TLN2: variants seen among roughly 807,000 people sequenced by gnomAD.
TLN2 encodes talin 2, also known as talin-2.
Under a neutral mutation model 294.7 loss-of-function variants are expected in TLN2, and 118 were observed. The ratio of observed to expected loss-of-function variants is 0.40; its 90% CI spans 0.34 to 0.47. TLN2 has a LOEUF of 0.47. Ranked by LOEUF, TLN2 falls within the 20% of genes least tolerant of loss-of-function variation. The pLI is 0.84. For synonymous variants in TLN2, 1,431 were observed against 1,304.5 expected (o/e 1.10, Z -2.09); for missense variants, 3,083 against 3,282.2 (o/e 0.94, Z 1.48).
In TLN2 at chr15:62,537,337, C is replaced by T. The variant is rs546249554; in HGVS notation, c.-237-52350C>T. On this transcript the variant is annotated intron_variant, in intron 1 of 58. Coordinates refer to ENST00000636159, the MANE Select transcript of TLN2 (RefSeq NM_015059.3). Reference sequence around the variant, plus strand: ...GCCTGTCATTGTAGTTTTTAAAAGGCGTTTTCTAAACAGGTGGTGTTCAAG... The same window carrying T: ...GCCTGTCATTGTAGTTTTTAAAAGGTGTTTTCTAAACAGGTGGTGTTCAAG... 5.7e-4 allele frequency among the ~76,000 whole-genome samples: 87 copies of T among 152,130 alleles called. 1 individual carries two copies. Among genetic ancestry groups the T allele is most frequent in the Middle Eastern group, 3.4e-3 (1 of 294 alleles).
At chr15:62,563,349 G>A (rs1418815214) in intron 1 of TLN2, among the ~76,000 whole-genome samples, 1 of 152,184 alleles carries the variant, frequency 6.6e-6, no homozygotes, top group African/African-American at 2.4e-5. Flanking sequence ...GATCATTAGT[G>A]ACGTTGAGCA....
chr15:62,708,900 G>T, intron 21 of TLN2, 104 bp downstream of exon 21: 3 of 1,364,772 alleles, frequency 2.2e-6, no homozygotes, highest in East Asian at 5.0e-5. Flanking sequence ...ACTGGCAAGG[G>T]CAAGTTCTCT....
chr15:62,788,994 C>G (rs1200951060), intron 45 of TLN2, among the ~76,000 whole-genome samples: 1 of 152,180 alleles, frequency 6.6e-6, no homozygotes, highest in Non-Finnish European at 1.5e-5. Context: ...GGATGAAGGT[C>G]CCTAGTCCTT....
At chr15:62,746,858 T>C (rs1434744655) in intron 32 of TLN2, among the ~76,000 whole-genome samples, 1 of 152,232 alleles carries the variant, frequency 6.6e-6, no homozygotes, top group African/African-American at 2.4e-5. Flanking sequence ...AAGTCTTATT[T>C]CTGCTGCTTA....
chr15:62,398,558 G>T (rs2140231718), intron 1 of TLN2, among the ~76,000 whole-genome samples: 1 of 152,234 alleles, frequency 6.6e-6, no homozygotes, highest in Non-Finnish European at 1.5e-5. Flanking sequence ...GAGACTTGTT[G>T]AATGGTTTTG....
At chr15:62,775,518 T>C (rs1010292258) in intron 42 of TLN2, among the ~76,000 whole-genome samples, 12 of 152,226 alleles carry the variant, frequency 7.9e-5, no homozygotes, top group Non-Finnish European at 1.6e-4. Flanking sequence ...CCATCCATGA[T>C]CAACATATTT....
At position 62,524,959 on chromosome 15, in the gene TLN2, C is replaced by G. The variant is rs144143792; in HGVS notation, c.-237-64728C>G. 1.6e-3 allele frequency among the ~76,000 whole-genome samples: 242 copies of G among 152,306 alleles called. 1 individual carries two copies. The highest frequency in any genetic ancestry group is 5.6e-3 in the African/African-American group (233 of 41,550). Reference sequence around the variant, plus strand: ...AGGTCCATAAAGTTAGAATGATTTACCTTGAGTCATAGTTAGCTAAATAGG... The same window carrying G: ...AGGTCCATAAAGTTAGAATGATTTAGCTTGAGTCATAGTTAGCTAAATAGG... On this transcript the variant is annotated intron_variant, in intron 1 of 58. Transcript: ENST00000636159.
chr15:62,657,051 C>T (rs1386363534), intron 8 of TLN2, among the ~76,000 whole-genome samples: 1 of 150,550 alleles, frequency 6.6e-6, no homozygotes, highest in Non-Finnish European at 1.5e-5. Context: ...GATAGCAGGG[C>T]AGTGAAAAGA....
intron 45 of TLN2, among the ~76,000 whole-genome samples, chr15:62,786,271 G>A (rs1298621327): frequency 6.6e-6 from 1 of 152,182 alleles, no homozygotes; most frequent in Non-Finnish European, 1.5e-5. Flanking sequence ...GGGAAATAAG[G>A]AGCTGCTCCC....
At chr15:62,805,519 C>G in intron 50 of TLN2, 81 bp from the exon 51 acceptor site, 2 of 1,413,982 alleles carry the variant, frequency 1.4e-6, no homozygotes, top group South Asian at 3.1e-5. Context: ...CAGACACAAG[C>G]TACAGCCTGG....
intron 11 of TLN2, among the ~76,000 whole-genome samples, chr15:62,677,882 G>A (rs2056409624): frequency 1.6e-5 from 2 of 127,322 alleles, no homozygotes; most frequent in Non-Finnish European, 1.6e-5. Context: ...CACAACCTCC[G>A]CCTCCTGTGT....
At chr15:62,748,023 G>A (rs1380149775) in intron 32 of TLN2, among the ~76,000 whole-genome samples, 1 of 151,996 alleles carries the variant, frequency 6.6e-6, no homozygotes, top group Non-Finnish European at 1.5e-5. Flanking sequence ...GAAAGGAGAG[G>A]TAGACACACT....
chr15:62,777,831 G>A (rs764119495), intron 43 of TLN2, among the ~76,000 whole-genome samples: 1 of 152,178 alleles, frequency 6.6e-6, no homozygotes, highest in Admixed American at 6.5e-5. Context: ...TCATTAGGGT[G>A]ACATGACTGG....
intron 3 of TLN2, among the ~76,000 whole-genome samples, chr15:62,622,090 G>A (rs933810495): frequency 6.6e-6 from 1 of 152,024 alleles, no homozygotes; most frequent in South Asian, 2.1e-4. Context: ...CTGGGGGGTG[G>A]GGGGTGTGTT....
intron 1 of TLN2, among the ~76,000 whole-genome samples, chr15:62,536,944 G>C (rs911074472): frequency 1.3e-5 from 2 of 151,902 alleles, no homozygotes; most frequent in African/African-American, 2.4e-5. Context: ...CTAGCTGCTT[G>C]AGAATGTACA....
chr15:62,637,331 C>G (rs1471274872), intron 3 of TLN2: 1 of 152,100 alleles, frequency 6.6e-6, no homozygotes, highest in African/African-American at 2.4e-5. Flanking sequence ...AGTTTAGAGC[C>G]ACCTTCTTTC....
At chr15:62,766,546 T>C (rs958375817) in intron 41 of TLN2, 124 bp downstream of exon 41, 10 of 806,036 alleles carry the variant, frequency 1.2e-5, no homozygotes, top group Non-Finnish European at 1.7e-5. Context: ...AGTCCAATGC[T>C]CGTTTAAGCT....
At chr15:62,691,388 G>A (rs1035954859) in intron 12 of TLN2, among the ~76,000 whole-genome samples, 6 of 151,974 alleles carry the variant, frequency 3.9e-5, no homozygotes, top group African/African-American at 1.5e-4. Flanking sequence ...TCTATCCTGT[G>A]AGTTTTAAAA....
intron 1 of TLN2, among the ~76,000 whole-genome samples, chr15:62,445,748 C>T (rs933663978): frequency 9.9e-5 from 15 of 151,914 alleles, no homozygotes; most frequent in African/African-American, 2.2e-4. Flanking sequence ...ACTGCACCCT[C>T]GACTTCCTGG....
Sources: allele counts gnomAD v4.1 joint callset (sites outside exome capture counted in the v4.1 genomes callset), GRCh38; gene constraint gnomAD v4.1.1; transcripts MANE v1.5; gene names NCBI Gene and HGNC (gene_info 2026-07-23, HGNC 2026-07-21).